LRRTM4: variants seen among roughly 807,000 people sequenced by gnomAD.
LRRTM4 encodes leucine-rich repeat transmembrane neuronal protein 4.
Under a neutral mutation model 47.6 loss-of-function variants are expected in LRRTM4, and 25 were observed. The observed-to-expected ratio is 0.53, with a 90% CI of 0.38 to 0.73. LRRTM4 has a LOEUF of 0.73. Ranked by LOEUF, LRRTM4 falls within the 30% of genes least tolerant of loss-of-function variation. LRRTM4 has a pLI of 0.00. For missense variants in LRRTM4, 638 were observed against 713.4 expected (o/e 0.89, Z 1.20); for synonymous variants, 311 against 269.5 (o/e 1.15, Z -1.51).
chr2:77,083,661 T>C (rs555934213), intron 3 of LRRTM4, among the ~76,000 whole-genome samples: 1 of 152,198 alleles, frequency 6.6e-6, no homozygotes, highest in East Asian at 1.9e-4. Flanking sequence ...GATGAACAGT[T>C]AGTAAAGATC....
Position 76,748,446 on chromosome 2 carries a change from G to A in LRRTM4, c.*249C>T, listed in dbSNP as rs1360035583. ...CTTGACACTCTTACTATTTACATCC[G>A]GGAGCATTTTTGTTTGTTTTATGTT... is the stretch of plus-strand genomic sequence containing the variant. On this transcript the variant is annotated 3_prime_UTR_variant, in exon 4 of 4. Coordinates refer to ENST00000409884, the MANE Select transcript of LRRTM4 (RefSeq NM_001134745.3). The A allele has an allele frequency of 2.0e-6, 1 of 512,412 alleles. No individual in the cohort carries two copies. Among genetic ancestry groups the A allele is most frequent in the Non-Finnish European group, 3.5e-6 (1 of 287,052 alleles). 31.7% of individuals were successfully genotyped at this position (512,412 alleles called of 1,614,324 possible). A position where few individuals can be genotyped will look rare whatever the true frequency, so the allele number is the denominator to read the frequency against.
At position 77,397,677 on chromosome 2, in the gene LRRTM4, T is replaced by C. The variant is rs182147429; in HGVS notation, c.1551+120641A>G. 5.7e-3 allele frequency among the ~76,000 whole-genome samples: 864 copies of C among 151,920 alleles called. 2 individuals are homozygous for C. Among genetic ancestry groups the C allele is most frequent in the Non-Finnish European group, 8.2e-3 (558 of 67,874 alleles). ...ACTGATAGCTATTATCTCCATTATT[T>C]TGTCCTGATTCTATGCTAAATAAAT... On this transcript the variant is annotated intron_variant, in intron 3 of 3. Transcript: ENST00000409884.
chr2:77,082,549 T>C (rs1319488858), intron 3 of LRRTM4, among the ~76,000 whole-genome samples: 1 of 152,104 alleles, frequency 6.6e-6, no homozygotes, highest in Non-Finnish European at 1.5e-5. Flanking sequence ...AAAGGTACCA[T>C]TCTTATATAT....
chr2:76,944,080 G>A (rs1222234074), intron 3 of LRRTM4, among the ~76,000 whole-genome samples: 1 of 152,090 alleles, frequency 6.6e-6, no homozygotes, highest in Non-Finnish European at 1.5e-5. Flanking sequence ...AGATATTAAT[G>A]TGACCTGTGA....
intron 3 of LRRTM4, among the ~76,000 whole-genome samples, chr2:77,371,737 C>T (rs375298371): frequency 1.3e-5 from 2 of 151,694 alleles, no homozygotes; most frequent in African/African-American, 4.8e-5. Flanking sequence ...CTATTGGCTC[C>T]TCCCTCTTAA....
At chr2:77,163,772 C>T (rs966281044) in intron 3 of LRRTM4, among the ~76,000 whole-genome samples, 5 of 152,116 alleles carry the variant, frequency 3.3e-5, no homozygotes, top group South Asian at 4.1e-4. Context: ...GAGATTTTGT[C>T]ACCACCAGGC....
At chr2:76,780,093 A>T (rs1045871976) in intron 3 of LRRTM4, among the ~76,000 whole-genome samples, 9 of 151,840 alleles carry the variant, frequency 5.9e-5, no homozygotes, top group Admixed American at 2.6e-4. Context: ...ATTGGCCCCC[A>T]CTCTCTTCTG....
chr2:77,505,403 T>TA (rs1377501728), intron 3 of LRRTM4, among the ~76,000 whole-genome samples: 1 of 151,626 alleles, frequency 6.6e-6, no homozygotes, highest in Non-Finnish European at 1.5e-5. Flanking sequence ...TTTCCTAGTT[T>TA]AAAAATAGCA....
chr2:76,954,939 A>AAAACC (rs1558760277), intron 3 of LRRTM4, among the ~76,000 whole-genome samples: 2 of 151,442 alleles, frequency 1.3e-5, no homozygotes, highest in Admixed American at 6.6e-5. Flanking sequence ...AAAACAAAAC[A>AAAACC]AAAAAACCGC....
intron 3 of LRRTM4, among the ~76,000 whole-genome samples, chr2:76,883,816 G>A (rs1248301129): frequency 1.3e-5 from 2 of 152,072 alleles, no homozygotes; most frequent in African/African-American, 4.8e-5. Flanking sequence ...TGAATTGACT[G>A]GGAGAAAGGT....
intron 3 of LRRTM4, among the ~76,000 whole-genome samples, chr2:76,756,888 C>T (rs548425655): frequency 6.6e-6 from 1 of 152,250 alleles, no homozygotes; most frequent in Non-Finnish European, 1.5e-5. Flanking sequence ...TGAACTCCCT[C>T]ATCTAAAACG....
intron 3 of LRRTM4, among the ~76,000 whole-genome samples, chr2:76,988,368 A>G (rs1241860990): frequency 6.6e-6 from 1 of 151,792 alleles, no homozygotes; most frequent in East Asian, 1.9e-4. Context: ...CTAAAACCTA[A>G]ATCGGGGCAT....
At chr2:77,110,907 A>C (rs181137998) in intron 3 of LRRTM4, among the ~76,000 whole-genome samples, 8 of 152,300 alleles carry the variant, frequency 5.3e-5, no homozygotes, top group Admixed American at 5.2e-4. Flanking sequence ...ACTTGGCAAT[A>C]TTTTAAAATT....
chr2:76,982,098 TCTA>T (rs1676631733), intron 3 of LRRTM4, among the ~76,000 whole-genome samples: 1 of 152,076 alleles, frequency 6.6e-6, no homozygotes, highest in South Asian at 2.1e-4. Context: ...TAGGCCATAC[TCTA>T]CTATGTGTCC....
intron 3 of LRRTM4, among the ~76,000 whole-genome samples, chr2:76,912,099 T>G (rs1290094703): frequency 1.3e-5 from 2 of 152,090 alleles, no homozygotes; most frequent in African/African-American, 4.8e-5. Flanking sequence ...TTTTGTATTT[T>G]TAGTAGACAG....
intron 3 of LRRTM4, chr2:77,517,618 A>T (rs1345898076): frequency 1.0e-6 from 1 of 983,810 alleles, no homozygotes; most frequent in Non-Finnish European, 1.2e-6. Flanking sequence ...GTAATTAAAA[A>T]ACAAACAAAC....
In LRRTM4 at chr2:77,476,069, G is replaced by A. The variant is rs370947954; in HGVS notation, c.1551+42249C>T. On this transcript the variant is annotated intron_variant, in intron 3 of 3. Transcript: ENST00000409884. ...TATTTCCCTATTGATTAATACTGAC[G>A]TTTTCTGATGCAGAAAAATTAGAAA... Among the ~76,000 whole-genome samples, 14 of 151,992 alleles carry A rather than the reference G, an allele frequency of 9.2e-5. No individual in the cohort carries two copies. The East Asian group carries it at 2.1e-3, about 23-fold the overall frequency.
intron 3 of LRRTM4, among the ~76,000 whole-genome samples, chr2:77,223,099 A>G (rs892997478): frequency 1.3e-5 from 2 of 151,998 alleles, no homozygotes; most frequent in African/African-American, 2.4e-5. Flanking sequence ...AGAACCAAAG[A>G]AAAAAAACCA....
rs1362399655 is a variant in LRRTM4 at position 77,518,483 on chromosome 2, AAG to A, written c.1384_1385del (p.Leu462TyrfsTer12). ...ASMKQLQQHSLMKRRRKKARE... is the reference protein window; with the variant it reads ...ASMKQLQQHSXMKRRRKKARE... ...TGGCCTTTTTCCGCCGCCTCTTCAT[AAG>A]AGAGTGTTGCTGGAGTTGTTTCATG... On this transcript the variant is annotated frameshift_variant, in exon 3 of 4. Coordinates refer to ENST00000409884, the MANE Select transcript of LRRTM4 (RefSeq NM_001134745.3). LOFTEE classifies it high-confidence loss of function. The A allele has an allele frequency of 3.7e-6, 6 of 1,613,314 alleles. No individual in the cohort carries two copies. The highest frequency in any genetic ancestry group is 2.7e-5 in the African/African-American group (2 of 74,876).
Sources: allele counts gnomAD v4.1 joint callset (sites outside exome capture counted in the v4.1 genomes callset), GRCh38; gene constraint gnomAD v4.1.1; transcripts MANE v1.5; gene names NCBI Gene and HGNC (gene_info 2026-07-23, HGNC 2026-07-21).